ITPR2: variants seen among roughly 807,000 people sequenced by gnomAD.
The protein encoded by ITPR2 is inositol 1,4,5-trisphosphate receptor type 2.
Under a neutral mutation model 317.1 loss-of-function variants are expected in ITPR2, and 207 were observed. The ratio of observed to expected loss-of-function variants is 0.65; its 90% confidence interval spans 0.58 to 0.73. The LOEUF (loss-of-function observed/expected upper bound fraction) is 0.73. Among genes scored for constraint, ITPR2 ranks in the 30% least tolerant of loss-of-function variants. The pLI is 0.00. For missense variants in ITPR2, 2,613 were observed against 3,284.0 expected, an observed-to-expected ratio of 0.80 and a Z score of 4.99; for synonymous variants, 1,156 against 1,149.1, an observed-to-expected ratio of 1.01 and a Z score of -0.12.
Position 26,443,603 on chromosome 12 carries a change from C to T in ITPR2, c.6390G>A (p.Ser2130=), listed in dbSNP as rs376617450. The T allele has an allele frequency of 2.9e-5, 46 of 1,612,904 alleles. No individual in the cohort carries two copies. The Middle Eastern group carries it at 4.9e-4, about 17-fold the overall frequency. ...KLLQQMLKPG[S]DPDEGDEALK... The stretch of plus-strand genomic sequence containing the variant: ...AGGCTTCATCTCCTTCATCTGGATC[C>T]GATCCTGGTTTGAGCATCTGCTGCA... Residue 2130 remains serine, a synonymous_variant, in exon 46 of 57, where the codon TCG becomes TCA. Coordinates refer to ENST00000381340, the MANE Select transcript of ITPR2 (RefSeq NM_002223.4).
chr12:26,614,601 C>A (rs550164486), intron 26 of ITPR2, among the ~76,000 whole-genome samples: 89 of 152,178 alleles, frequency 5.8e-4, no homozygotes, highest in South Asian at 5.2e-3. Flanking sequence ...ATAAACAATA[C>A]AAGGGACTAT....
At chr12:26,643,834 A>G (rs1299702363) in intron 21 of ITPR2, among the ~76,000 whole-genome samples, 3 of 152,200 alleles carry the variant, frequency 2.0e-5, no homozygotes, top group Non-Finnish European at 4.4e-5. Flanking sequence ...GAAAAGAGAA[A>G]TGCCTTAAAG....
chr12:26,462,276 C>G (rs542574963), intron 45 of ITPR2, among the ~76,000 whole-genome samples: 1 of 152,092 alleles, frequency 6.6e-6, no homozygotes, highest in East Asian at 1.9e-4. Flanking sequence ...AAGTGATTCT[C>G]GTGCCTCAGC....
intron 55 of ITPR2, among the ~76,000 whole-genome samples, chr12:26,360,362 T>C (rs1284740947): frequency 6.6e-6 from 1 of 152,218 alleles, no homozygotes; most frequent in African/African-American, 2.4e-5. Flanking sequence ...GTTTCCCGTC[T>C]TCGAGGTCCG....
intron 13 of ITPR2, among the ~76,000 whole-genome samples, chr12:26,677,232 TAAAG>T (rs568428678): frequency 4.6e-4 from 70 of 152,016 alleles, no homozygotes; most frequent in African/African-American, 1.7e-3. Context: ...CAAGCTACAC[TAAAG>T]AAAGAAAACA....
intron 55 of ITPR2, among the ~76,000 whole-genome samples, chr12:26,384,193 G>T (rs1017108869): frequency 1.3e-5 from 2 of 152,182 alleles, no homozygotes; most frequent in Non-Finnish European, 2.9e-5. Flanking sequence ...AACTTTCCAC[G>T]TGCTACAAAA....
chr12:26,718,336 A>G (rs1948776306), intron 5 of ITPR2, among the ~76,000 whole-genome samples: 1 of 152,094 alleles, frequency 6.6e-6, no homozygotes, highest in Non-Finnish European at 1.5e-5. Context: ...TATAAATCCT[A>G]GCCAATAAGT....
chr12:26,573,923 G>T (rs777458456), intron 34 of ITPR2, among the ~76,000 whole-genome samples: 3 of 152,266 alleles, frequency 2.0e-5, no homozygotes, highest in Non-Finnish European at 4.4e-5. Flanking sequence ...AACTGTGCAG[G>T]CAGTGGATTG....
intron 5 of ITPR2, among the ~76,000 whole-genome samples, chr12:26,718,838 C>T (rs1305695781): frequency 2.0e-5 from 3 of 152,052 alleles, no homozygotes; most frequent in African/African-American, 4.8e-5. Flanking sequence ...TTTCGAACTC[C>T]TAACCTCAGG....
chr12:26,463,244 A>G (rs1320294189), intron 45 of ITPR2, among the ~76,000 whole-genome samples: 2 of 152,244 alleles, frequency 1.3e-5, no homozygotes, highest in Non-Finnish European at 2.9e-5. Context: ...TTTAAGACTT[A>G]TAACATTGCT....
intron 28 of ITPR2, 137 bp from the exon 29 acceptor site, chr12:26,600,246 C>G: frequency 1.6e-6 from 1 of 624,726 alleles, no homozygotes; most frequent in Non-Finnish European, 2.6e-6. Flanking sequence ...CTTTATGTTT[C>G]ACACCTCTCC....
At chr12:26,506,996 C>A (rs1417666746) in intron 37 of ITPR2, among the ~76,000 whole-genome samples, 1 of 152,100 alleles carries the variant, frequency 6.6e-6, no homozygotes, top group African/African-American at 2.4e-5. Context: ...TGAAATAAAT[C>A]ATTTCATTTC....
chr12:26,797,500 A>G (rs996723734), intron 1 of ITPR2, among the ~76,000 whole-genome samples: 4 of 152,150 alleles, frequency 2.6e-5, no homozygotes, highest in African/African-American at 9.7e-5. Flanking sequence ...TACCACATAT[A>G]TCTGATTCAT....
chr12:26,523,651 T>G (rs1591855825), intron 37 of ITPR2, among the ~76,000 whole-genome samples: 1 of 152,288 alleles, frequency 6.6e-6, no homozygotes, highest in East Asian at 1.9e-4. Context: ...ACTCAGCTCT[T>G]CAGGGGCATG....
chr12:26,465,695 G>A (rs1942155013), intron 45 of ITPR2, among the ~76,000 whole-genome samples: 1 of 151,942 alleles, frequency 6.6e-6, no homozygotes, highest in Non-Finnish European at 1.5e-5. Flanking sequence ...CCTCAGATAC[G>A]CATTTTTCCT....
intron 50 of ITPR2, among the ~76,000 whole-genome samples, chr12:26,417,089 T>C (rs936217939): frequency 2.0e-5 from 3 of 152,172 alleles, no homozygotes; most frequent in Admixed American, 6.6e-5. Flanking sequence ...AGACTGACAA[T>C]TGTGGGTACA....
chr12:26,796,876 A>G (rs1022201969), intron 1 of ITPR2, among the ~76,000 whole-genome samples: 1 of 152,122 alleles, frequency 6.6e-6, no homozygotes, highest in African/African-American at 2.4e-5. Flanking sequence ...TCTACTAAAA[A>G]TACAAAAACA....
intron 30 of ITPR2, 67 bp downstream of exon 30, chr12:26,599,078 T>C: frequency 7.2e-7 from 1 of 1,381,956 alleles, no homozygotes; most frequent in South Asian, 1.2e-5. Context: ...TTTTTCACTG[T>C]AATAGAAAAT....
At chr12:26,508,064 G>C (rs1196517481) in intron 37 of ITPR2, among the ~76,000 whole-genome samples, 2 of 152,234 alleles carry the variant, frequency 1.3e-5, no homozygotes, top group East Asian at 3.8e-4. Context: ...CACTGAGCAA[G>C]CACATCTCTT....
Sources: gnomAD v4.1 joint callset for allele counts (sites outside exome capture counted in the v4.1 genomes callset) on GRCh38, gnomAD v4.1.1 for gene constraint, MANE v1.5 for transcripts, NCBI Gene and HGNC (gene_info 2026-07-23, HGNC 2026-07-21) for gene names.